The following RBFOX1 variants were observed in gnomAD, a reference collection of about 807,000 sequenced individuals.
RBFOX1 encodes the protein RNA binding fox-1 homolog 1.
RBFOX1 carries 8 observed loss-of-function variants against 57.7 expected under a neutral mutation model. The ratio of observed to expected loss-of-function variants is 0.14; its 90% confidence interval spans 0.08 to 0.25. The LOEUF (loss-of-function observed/expected upper bound fraction) is 0.25, where lower values mean the gene tolerates loss of function less well. RBFOX1 is among the 10% of genes least tolerant of loss of function. The pLI is 1.00. For synonymous variants in RBFOX1, 326 were observed against 222.4 expected (o/e 1.47, Z -4.15); for missense variants, 611 against 548.5 (o/e 1.11, Z -1.14).
intron 1 of RBFOX1, among the ~76,000 whole-genome samples, chr16:6,292,911 A>G (rs932801480): frequency 1.3e-5 from 2 of 152,192 alleles, no homozygotes; most frequent in African/African-American, 4.8e-5. Context: ...GTACTTTTTC[A>G]TCTGGCTCCA....
At chr16:6,718,482 A>G (rs2065278270) in intron 3 of RBFOX1, among the ~76,000 whole-genome samples, 1 of 151,306 alleles carries the variant, frequency 6.6e-6, no homozygotes, top group Non-Finnish European at 1.5e-5. Context: ...TCACGGTTGG[A>G]CAGAGTCTTG....
chr16:6,931,594 A>G (rs1044986008), intron 3 of RBFOX1, among the ~76,000 whole-genome samples: 6 of 152,120 alleles, frequency 3.9e-5, no homozygotes, highest in African/African-American at 1.2e-4. Context: ...TGGACAACAT[A>G]TCCCACCCCA....
intron 4 of RBFOX1, among the ~76,000 whole-genome samples, chr16:7,174,654 C>T (rs369109203): frequency 1.1e-3 from 172 of 152,236 alleles, no homozygotes; most frequent in African/African-American, 3.9e-3. Context: ...GTGGTGGGTA[C>T]CTGTAATCCC....
At chr16:6,822,621 A>C (rs547790107) in intron 3 of RBFOX1, among the ~76,000 whole-genome samples, 1 of 152,302 alleles carries the variant, frequency 6.6e-6, no homozygotes, top group African/African-American at 2.4e-5. Context: ...ATGGCAGATG[A>C]AGCTGCTCAT....
chr16:5,479,574 C>G (rs1277395851), intron 2 of RBFOX1, among the ~76,000 whole-genome samples: 1 of 152,054 alleles, frequency 6.6e-6, no homozygotes, highest in East Asian at 1.9e-4. Context: ...GCCTGGCCAA[C>G]ATGGTAAAAC....
chr16:6,888,581 C>T (rs555918282), intron 3 of RBFOX1, among the ~76,000 whole-genome samples: 30 of 151,890 alleles, frequency 2.0e-4, no homozygotes, highest in African/African-American at 6.5e-4. Context: ...AATATTGTGT[C>T]CGTAGGGTTA....
intron 4 of RBFOX1, among the ~76,000 whole-genome samples, chr16:7,495,651 A>T (rs12446603): frequency 0.61 from 92,714 of 152,076 alleles, 29,408 homozygotes; most frequent in Middle Eastern, 0.75. Flanking sequence ...ACCTTTGTCC[A>T]TTTTTTTGCA....
At chr16:6,279,328 G>A (rs545318244) in intron 1 of RBFOX1, among the ~76,000 whole-genome samples, 5 of 152,260 alleles carry the variant, frequency 3.3e-5, no homozygotes, top group African/African-American at 4.8e-5. Context: ...TAACTAGCAC[G>A]TACCAAGTGC....
At chr16:6,815,741 A>G (rs2089929892) in intron 3 of RBFOX1, among the ~76,000 whole-genome samples, 1 of 152,206 alleles carries the variant, frequency 6.6e-6, no homozygotes, top group Non-Finnish European at 1.5e-5. Flanking sequence ...TCTGGTCCCC[A>G]GCAAAAAGTC....
At chr16:7,066,051 A>G (rs2055940485) in intron 4 of RBFOX1, among the ~76,000 whole-genome samples, 1 of 152,248 alleles carries the variant, frequency 6.6e-6, no homozygotes, top group Non-Finnish European at 1.5e-5. Context: ...GGGGGAAAAA[A>G]GTTTTGCAAA....
intron 2 of RBFOX1, among the ~76,000 whole-genome samples, chr16:6,357,806 C>T (rs2087646661): frequency 6.6e-6 from 1 of 151,872 alleles, no homozygotes; most frequent in South Asian, 2.1e-4. Context: ...CAAAAATTAG[C>T]CGGGCGTGGT....
chr16:6,629,321 G>C (rs983561406), intron 2 of RBFOX1, among the ~76,000 whole-genome samples: 1 of 152,148 alleles, frequency 6.6e-6, no homozygotes, highest in Non-Finnish European at 1.5e-5. Context: ...CTGATGTAAC[G>C]TCCAAGATAA....
At chr16:6,517,671 G>A (rs1319550237) in intron 2 of RBFOX1, among the ~76,000 whole-genome samples, 1 of 152,060 alleles carries the variant, frequency 6.6e-6, no homozygotes, top group Admixed American at 6.6e-5. Context: ...CAATAAACTG[G>A]CCTCTTTCCT....
At chr16:5,917,882 C>A (rs1351576130) in intron 4 of RBFOX1, among the ~76,000 whole-genome samples, 1 of 152,138 alleles carries the variant, frequency 6.6e-6, no homozygotes, top group East Asian at 1.9e-4. Flanking sequence ...CAGGTTCCTT[C>A]CTCCCCTTTC....
At chr16:5,961,894 A>C (rs189418159) in intron 4 of RBFOX1, among the ~76,000 whole-genome samples, 1 of 152,298 alleles carries the variant, frequency 6.6e-6, no homozygotes, top group Admixed American at 6.5e-5. Context: ...AGAAACTCCA[A>C]ATAACAGTAA....
intron 4 of RBFOX1, among the ~76,000 whole-genome samples, chr16:7,060,901 G>T (rs1362242921): frequency 6.6e-6 from 1 of 152,160 alleles, no homozygotes; most frequent in Non-Finnish European, 1.5e-5. Flanking sequence ...ATCAGCTAAA[G>T]CCAGACTTCA....
chr16:5,595,423 G>C (rs572113347), intron 2 of RBFOX1, among the ~76,000 whole-genome samples: 1 of 152,280 alleles, frequency 6.6e-6, no homozygotes, highest in African/African-American at 2.4e-5. Context: ...TTCCAGGGGA[G>C]ACTACTAGAC....
At chr16:6,363,107 A>G (rs891219974) in intron 2 of RBFOX1, among the ~76,000 whole-genome samples, 19 of 152,204 alleles carry the variant, frequency 1.2e-4, no homozygotes, top group African/African-American at 4.6e-4. Context: ...TTAACTTTAA[A>G]GGAATCTAGA....
chr16:6,944,461 C>T (rs778430835), intron 3 of RBFOX1, among the ~76,000 whole-genome samples: 1 of 152,014 alleles, frequency 6.6e-6, no homozygotes, highest in Admixed American at 6.6e-5. Context: ...GGCCACTTCC[C>T]TGCCTTACAT....
Sources: allele counts gnomAD v4.1 joint callset (sites outside exome capture counted in the v4.1 genomes callset), GRCh38; gene constraint gnomAD v4.1.1; transcripts MANE v1.5; gene names NCBI Gene and HGNC (gene_info 2026-07-23, HGNC 2026-07-21).